SHARPIN: variants seen among roughly 807,000 people sequenced by gnomAD.
The protein encoded by SHARPIN is hSIPL1.
In SHARPIN, 25 loss-of-function variants were observed where a neutral mutation model predicts 40.3. The ratio of observed to expected loss-of-function variants is 0.62; its 90% CI spans 0.45 to 0.87. SHARPIN has a LOEUF of 0.87. Among genes scored for constraint, SHARPIN ranks in the 40% least tolerant of loss-of-function variants. The pLI is 0.00. For missense variants in SHARPIN, 551 were observed against 516.1 expected (o/e 1.07, Z -0.66); for synonymous variants, 274 against 221.8 (o/e 1.24, Z -2.09).
chr8:144,102,037 C>A (rs1235984493), intron 2 of SHARPIN, among the ~76,000 whole-genome samples: 1 of 152,166 alleles, frequency 6.6e-6, no homozygotes, highest in East Asian at 1.9e-4. Flanking sequence ...CTACCTAGTC[C>A]TTCATGTTTC....
At position 144,099,606 on chromosome 8, in the gene SHARPIN, T is replaced by A; in HGVS notation, c.672A>T (p.Thr224=). Reference sequence around the variant, plus strand: ...ATGCGGCAGAGGCAGCGTCTTCAAGTGTGACCTGCAGCCTGTGCCAGAATG... The same window carrying A: ...ATGCGGCAGAGGCAGCGTCTTCAAGAGTGACCTGCAGCCTGTGCCAGAATG... ...FPPGPIRLQV[T]LEDAASAASA... The change falls in exon 5 of 9, where the codon ACA becomes ACT. Residue 224 remains threonine, a synonymous_variant. Transcript: ENST00000398712. The A allele has an allele frequency of 6.2e-7, 1 of 1,614,000 alleles. No individual in the cohort carries two copies. The highest frequency in any genetic ancestry group is 8.5e-7 in the Non-Finnish European group (1 of 1,179,958).
chr8:144,100,094 G>A (rs771624288), intron 2 of SHARPIN, 25 bp from the exon 3 acceptor site: 3 of 1,543,610 alleles, frequency 1.9e-6, no homozygotes, highest in Non-Finnish European at 2.6e-6. Context: ...TGGGTGTGCT[G>A]TGCTGTGGCC....
rs886407901 is a variant in SHARPIN, at chr8:144,102,737, C to T, written c.376+314G>A. ...GCTCTTGGGATGATGTCTTCTCACA[C>T]AGGTCCTGACCCTGCCTGCTCTGCC... On this transcript the variant is annotated intron_variant, in intron 2 of 8. Coordinates refer to ENST00000398712, the MANE Select transcript of SHARPIN (RefSeq NM_030974.4). 52 of 479,252 alleles carry T rather than the reference C, an allele frequency of 1.1e-4. 1 individual carries two copies. In the South Asian group the frequency reaches 1.1e-3, roughly 10 times the overall value. 29.7% of individuals were successfully genotyped at this position (479,252 alleles called of 1,614,324 possible).
intron 2 of SHARPIN, among the ~76,000 whole-genome samples, chr8:144,102,329 A>C (rs1191215347): frequency 6.8e-6 from 1 of 146,256 alleles, no homozygotes; most frequent in African/African-American, 2.5e-5. Context: ...GCTGGAGTGC[A>C]GTGGCAAGAT....
chr8:144,103,496 G>T, intron 1 of SHARPIN, 57 bp downstream of exon 1: 2 of 1,500,222 alleles, frequency 1.3e-6, no homozygotes, highest in Non-Finnish European at 1.8e-6. Context: ...CTAACTTTGG[G>T]CTCCGTGCCC....
chr8:144,102,967 G>A, intron 2 of SHARPIN, 84 bp downstream of exon 2: 1 of 1,542,310 alleles, frequency 6.5e-7, no homozygotes, highest in Non-Finnish European at 8.9e-7. Flanking sequence ...CCAGCAGTGG[G>A]GAAGGTGGAT....
intron 1 of SHARPIN, 69 bp from the exon 2 acceptor site, chr8:144,103,294 C>G (rs1836327672): frequency 1.3e-6 from 2 of 1,499,700 alleles, no homozygotes; most frequent in African/African-American, 1.4e-5. Context: ...CAAAGAAATA[C>G]AAGGTAACAT....
At position 144,102,422 on chromosome 8, in the gene SHARPIN, C is replaced by T. The variant is rs1007137215; in HGVS notation, c.376+629G>A. On this transcript the variant is annotated intron_variant, in intron 2 of 8. Coordinates refer to ENST00000398712, the MANE Select transcript of SHARPIN (RefSeq NM_030974.4). Reference sequence around the variant, plus strand: ...CCAAGTAGCTGGGACTACAGGCACACGCCACCACGCCTGGCTAATTTTTGT... The same window carrying T: ...CCAAGTAGCTGGGACTACAGGCACATGCCACCACGCCTGGCTAATTTTTGT... Among the ~76,000 whole-genome samples, 71 of 152,188 alleles carry T rather than the reference C, an allele frequency of 4.7e-4. 1 individual carries two copies. Among genetic ancestry groups the T allele is most frequent in the Non-Finnish European group, 6.3e-4 (43 of 68,002 alleles).
chr8:144,100,678 T>A (rs1360396672), intron 2 of SHARPIN: 1 of 154,234 alleles, frequency 6.5e-6, no homozygotes, highest in Non-Finnish European at 1.5e-5. Flanking sequence ...CACCCAGCGC[T>A]GTTCCTGGCC....
chr8:144,103,541 G>A lies in SHARPIN; in HGVS notation c.201+12C>T, dbSNP rs1327730904. The A allele has an allele frequency of 2.0e-6, 3 of 1,530,956 alleles. No homozygotes were observed. The highest frequency in any genetic ancestry group is 1.2e-5 in the South Asian group (1 of 83,776). 94.8% of individuals were successfully genotyped at this position (1,530,956 alleles called of 1,614,324 possible). ...CAAGAGGACTGACCGCGCGCCCTCC[G>A]CCCCCACTCACCGCCCCAGGTCCCG... On this transcript the variant is annotated intron_variant, in intron 1 of 8. Transcript: ENST00000398712.
intron 3 of SHARPIN, 31 bp downstream of exon 3, chr8:144,099,897 CG>C: frequency 1.3e-6 from 2 of 1,577,494 alleles, no homozygotes; most frequent in Non-Finnish European, 1.7e-6. Flanking sequence ...CTGCTATCCC[CG>C]AACCCCCCAA....
chr8:144,099,017 T>G (rs368179662), intron 7 of SHARPIN, 23 bp from the exon 8 acceptor site: 1 of 1,596,766 alleles, frequency 6.3e-7, no homozygotes. Context: ...AGACAGTTGT[T>G]GCTTCCCTGC....
In SHARPIN at chr8:144,099,088, G is replaced by A. The variant is rs1836228328; in HGVS notation, c.1040C>T (p.Pro347Leu). Residue 347 changes from proline (P) to leucine (L), a missense_variant, in exon 7 of 9, where the codon CCA becomes CTA. Pro to Leu is a moderately conservative substitution (Grantham distance 98). Transcript: ENST00000398712. ...PQPAASSLPSPLQPSWSCPSC... is the reference protein window; with the variant it reads ...PQPAASSLPSLLQPSWSCPSC... ...GCCCAGTCCCGTGCCCACCTGGAGT[G>A]GACTGGGCAGGCTGGAGGCAGCTGG... The A allele has an allele frequency of 3.2e-6, 5 of 1,573,650 alleles. No homozygotes were observed. Among genetic ancestry groups the A allele is most frequent in the African/African-American group, 2.7e-5 (2 of 72,794 alleles).
chr8:144,102,464 G>A (rs900604984), intron 2 of SHARPIN, among the ~76,000 whole-genome samples: 2 of 152,054 alleles, frequency 1.3e-5, no homozygotes, highest in Non-Finnish European at 2.9e-5. Context: ...AGTAGAGACA[G>A]GGTTTCACCT....
At chr8:144,103,403 G>A (rs1587614701) in intron 1 of SHARPIN, 150 bp downstream of exon 1, 8 of 1,057,194 alleles carry the variant, frequency 7.6e-6, no homozygotes, top group Admixed American at 2.5e-5. Flanking sequence ...GTAGGTCCGA[G>A]CGTCACCCCC....
At position 144,103,147 on chromosome 8, in the gene SHARPIN, C is replaced by A; in HGVS notation, c.280G>T (p.Gly94Ter). The A allele has an allele frequency of 1.9e-6, 3 of 1,613,714 alleles. No homozygotes were observed. Among genetic ancestry groups the A allele is most frequent in the Non-Finnish European group, 2.5e-6 (3 of 1,179,962 alleles). Residue 94 changes from glycine to a stop codon, truncating the protein, a stop_gained, in exon 2 of 9, where the codon GGA becomes TGA. Transcript: ENST00000398712. LOFTEE classifies it high-confidence loss of function. ...PTQHELQPPPGGPGTLSLHFL... is the reference protein window; with the variant it reads ...PTQHELQPPP ...TGCAGGCTGAGGGTTCCAGGCCCTC[C>A]TGGTGGAGGCTGTAGCTCGTGCTGG...
intron 2 of SHARPIN, among the ~76,000 whole-genome samples, chr8:144,101,765 T>C (rs1836292576): frequency 6.6e-6 from 1 of 151,938 alleles, no homozygotes; most frequent in South Asian, 2.1e-4. Flanking sequence ...CCTGTACTTA[T>C]TTTATATGTC....
At chr8:144,099,893 T>TGGCCCCCCCCCCCCCC in intron 3 of SHARPIN, 36 bp downstream of exon 3, 1 of 1,550,986 alleles carries the variant, frequency 6.4e-7, no homozygotes, top group Non-Finnish European at 8.8e-7. Context: ...CTATCTGCTA[T>TGGCCCCCCCCCCCCCC]CCCCGAACCC....
chr8:144,099,023 C>A, intron 7 of SHARPIN, 29 bp from the exon 8 acceptor site: 1 of 1,596,222 alleles, frequency 6.3e-7, no homozygotes. Flanking sequence ...TTGTTGCTTC[C>A]CTGCTCTTTC....
Sources: gnomAD v4.1 joint callset for allele counts (sites outside exome capture counted in the v4.1 genomes callset) on GRCh38, gnomAD v4.1.1 for gene constraint, MANE v1.5 for transcripts, NCBI Gene and HGNC (gene_info 2026-07-23, HGNC 2026-07-21) for gene names.